Variants in DOCK3 observed in about 807,000 individuals in gnomAD.
The protein encoded by DOCK3 is dedicator of cytokinesis protein 3.
DOCK3 carries 60 observed loss-of-function variants against 265.6 expected under a neutral mutation model. That is an observed-to-expected ratio of 0.23 (90% CI 0.18 to 0.28). The LOEUF (loss-of-function observed/expected upper bound fraction) is 0.28. Ranked by LOEUF, DOCK3 falls within the 10% of genes least tolerant of loss-of-function variation. DOCK3 has a pLI of 1.00. For synonymous variants in DOCK3, 881 were observed against 938.0 expected, an observed-to-expected ratio of 0.94 and a Z score of 1.11; for missense variants, 1,981 against 2,594.3, an observed-to-expected ratio of 0.76 and a Z score of 5.14.
chr3:51,061,017 A>G (rs918884237), intron 5 of DOCK3, among the ~76,000 whole-genome samples: 31 of 152,194 alleles, frequency 2.0e-4, no homozygotes, highest in African/African-American at 7.5e-4. Flanking sequence ...ATGAGATACC[A>G]TCTCACACCA....
chr3:51,020,697 G>C (rs1364933828), intron 5 of DOCK3, among the ~76,000 whole-genome samples: 2 of 151,890 alleles, frequency 1.3e-5, no homozygotes, highest in African/African-American at 2.4e-5. Flanking sequence ...TGGCTAGCCA[G>C]TTCTCGCAAT....
chr3:51,015,136 T>G (rs1425956820), intron 5 of DOCK3, among the ~76,000 whole-genome samples: 2 of 152,136 alleles, frequency 1.3e-5, no homozygotes, highest in Admixed American at 1.3e-4. Context: ...ATCTCTGGTC[T>G]AATTGCTCCA....
At chr3:51,033,152 A>C (rs996364265) in intron 5 of DOCK3, among the ~76,000 whole-genome samples, 1 of 152,192 alleles carries the variant, frequency 6.6e-6, no homozygotes, top group Admixed American at 6.6e-5. Flanking sequence ...TTGATTTCCC[A>C]TTAAAACTTT....
At chr3:50,817,720 T>C (rs935823485) in intron 2 of DOCK3, among the ~76,000 whole-genome samples, 8 of 152,142 alleles carry the variant, frequency 5.3e-5, no homozygotes, top group Non-Finnish European at 1.2e-4. Flanking sequence ...GCTGGATTCT[T>C]TTTCCTCTGA....
At chr3:51,206,448 A>G (rs998326970) in intron 12 of DOCK3, among the ~76,000 whole-genome samples, 5 of 152,316 alleles carry the variant, frequency 3.3e-5, no homozygotes, top group Non-Finnish European at 4.4e-5. Context: ...ATCAGAATTC[A>G]GTGAAGACCC....
At chr3:50,714,121 A>G (rs1375960988) in intron 1 of DOCK3, among the ~76,000 whole-genome samples, 2 of 152,086 alleles carry the variant, frequency 1.3e-5, no homozygotes, top group Non-Finnish European at 2.9e-5. Context: ...CCAGCCTCCT[A>G]AGTGGAACTA....
At chr3:50,720,144 A>C (rs550188844) in intron 1 of DOCK3, among the ~76,000 whole-genome samples, 1 of 152,110 alleles carries the variant, frequency 6.6e-6, no homozygotes, top group African/African-American at 2.4e-5. Context: ...TTTTTTTAAA[A>C]ATTTTTATTT....
chr3:51,021,409 T>G (rs2079586302), intron 5 of DOCK3, among the ~76,000 whole-genome samples: 1 of 152,232 alleles, frequency 6.6e-6, no homozygotes, highest in Admixed American at 6.5e-5. Flanking sequence ...CCTATTTATA[T>G]ATTCTTTTAG....
intron 9 of DOCK3, among the ~76,000 whole-genome samples, chr3:51,093,836 T>C (rs909914836): frequency 6.6e-6 from 1 of 152,236 alleles, no homozygotes; most frequent in Non-Finnish European, 1.5e-5. Flanking sequence ...TTTTGAGATA[T>C]GTTACATCAA....
chr3:51,016,819 T>A (rs1441672414), intron 5 of DOCK3, among the ~76,000 whole-genome samples: 1 of 24,290 alleles, frequency 4.1e-5, no homozygotes, highest in Non-Finnish European at 6.7e-5. Flanking sequence ...ATATATATCA[T>A]ATATAAATAT....
chr3:50,841,689 G>A lies in DOCK3; in HGVS notation c.136G>A (p.Val46Ile), dbSNP rs1236751215. ...CTTTGTTTTAGGTTGGTACAGAGGAGTTTCAACAAAGAAGCCAAATGTGAA... is the reference window on the plus strand; with the variant it reads ...CTTTGTTTTAGGTTGGTACAGAGGAATTTCAACAAAGAAGCCAAATGTGAA... ...LEKCEGWYRG[V>I]STKKPNVKGI... The change falls in exon 3 of 53, where the codon GTT (valine) becomes ATT (isoleucine). Residue 46 changes from valine to isoleucine, a missense_variant. This residue lies in a region of DOCK3 where 456 missense variants were observed against 539.0 expected (regional missense o/e 0.85). Coordinates refer to ENST00000266037, the MANE Select transcript of DOCK3 (RefSeq NM_004947.5). 8.0e-7 allele frequency: 1 copy of A among 1,249,108 alleles called. No homozygotes were observed. Among genetic ancestry groups the A allele is most frequent in the Non-Finnish European group, 1.0e-6 (1 of 965,962 alleles). The allele number at this position is 1,249,108 out of a possible 1,614,324, so 77.4% of individuals were successfully genotyped here.
At chr3:50,738,946 C>A (rs2038826562) in intron 1 of DOCK3, among the ~76,000 whole-genome samples, 1 of 152,168 alleles carries the variant, frequency 6.6e-6, no homozygotes, top group African/African-American at 2.4e-5. Flanking sequence ...GCACAAACAA[C>A]TCTCTGTAAT....
At chr3:50,861,954 G>A (rs769637422) in intron 3 of DOCK3, among the ~76,000 whole-genome samples, 3 of 145,644 alleles carry the variant, frequency 2.1e-5, no homozygotes, top group Non-Finnish European at 4.5e-5. Flanking sequence ...GTAAGGTTTT[G>A]TCCTTGTGAT....
chr3:50,786,691 A>G (rs1290937326), intron 2 of DOCK3: 2 of 655,366 alleles, frequency 3.1e-6, no homozygotes, highest in Middle Eastern at 3.4e-4. Context: ...CACAGATTTC[A>G]CAGATAAAGG....
At chr3:51,375,886 T>A in intron 51 of DOCK3, 51 bp downstream of exon 51, 6 of 1,596,514 alleles carry the variant, frequency 3.8e-6, no homozygotes, top group Non-Finnish European at 4.3e-6. Context: ...ATCCTGAGTG[T>A]CTGACTCTTG....
At chr3:50,782,289 A>ATT (rs71084112) in intron 2 of DOCK3, among the ~76,000 whole-genome samples, 2,933 of 109,970 alleles carry the variant, frequency 0.027, 209 homozygotes, top group Non-Finnish European at 0.035. Context: ...AGTACCTGTT[A>ATT]TTTTTTTTTT....
rs1409066081 is a variant in DOCK3 at position 51,180,203 on chromosome 3, G to A, written c.1037+19501G>A. Among the ~76,000 whole-genome samples, 5 of 70,732 alleles carry A rather than the reference G, an allele frequency of 7.1e-5. No homozygotes were observed. In the Admixed American group the frequency reaches 1.0e-3, roughly 15 times the overall value. 46.4% of individuals were successfully genotyped at this position (70,732 alleles called of 152,430 possible). A position where few individuals can be genotyped will look rare whatever the true frequency, so the allele number is the denominator to read the frequency against. ...AGCCTGGGTGACAGCTCGAGACCCT[G>A]TCTCAAAAAAAAAAAAAAAAAAACA... On this transcript the variant is annotated intron_variant, in intron 12 of 52. Transcript: ENST00000266037.
At chr3:51,190,246 T>C (rs1016849041) in intron 12 of DOCK3, among the ~76,000 whole-genome samples, 4 of 152,182 alleles carry the variant, frequency 2.6e-5, no homozygotes, top group Non-Finnish European at 5.9e-5. Context: ...ATGCTACTGC[T>C]CTCTGGGTCT....
At chr3:50,857,336 G>C (rs2107462567) in intron 3 of DOCK3, among the ~76,000 whole-genome samples, 1 of 152,194 alleles carries the variant, frequency 6.6e-6, no homozygotes, top group South Asian at 2.1e-4. Flanking sequence ...TTTTATTACT[G>C]ATTCAATTTT....
Sources: allele counts gnomAD v4.1 joint callset (sites outside exome capture counted in the v4.1 genomes callset), GRCh38; gene constraint gnomAD v4.1.1; regional missense constraint gnomAD v4.1.1; transcripts MANE v1.5; gene names NCBI Gene and HGNC (gene_info 2026-07-23, HGNC 2026-07-21).